The following CERS5 variants were observed in gnomAD, a reference collection of about 807,000 sequenced individuals.
CERS5 encodes the protein ceramide synthase 5, also known as LAG1 homolog, ceramide synthase 5.
A neutral mutation model predicts 58.9 loss-of-function variants in CERS5; 37 were observed. The ratio of observed to expected loss-of-function variants is 0.63; its 90% CI spans 0.48 to 0.83. CERS5 has a LOEUF of 0.83. CERS5 is among the 40% of genes least tolerant of loss of function. The probability of loss-of-function intolerance (pLI) is 0.00; values close to 1 mark genes in which losing one functional copy is unlikely to be tolerated. For synonymous variants in CERS5, 147 were observed against 177.8 expected (o/e 0.83, Z 1.38); for missense variants, 398 against 489.3 (o/e 0.81, Z 1.76).
At chr12:50,147,344 A>G (rs6580728) in intron 1 of CERS5, 50,558 of 150,326 alleles carry the variant, frequency 0.34, 8,772 homozygotes, top group South Asian at 0.39. Context: ...CGGAAATTAC[A>G]ATGAGCTGAG....
In CERS5 at chr12:50,130,634, A is replaced by C. The variant is rs755192596; in HGVS notation, c.1090T>G (p.Cys364Gly). The change falls in exon 10 of 10, where the codon TGC becomes GGC. Residue 364 changes from cysteine (C) to glycine (G), a missense_variant. By Grantham distance (159) the Cys-to-Gly change is radical. Transcript: ENST00000317551. The part of the protein sequence containing the change: ...SSSEEEDVTT[C>G]TKSPCDSSSS... ...CTACTGTCACAGGGACTTTTTGTGC[A>C]GGTGGTCACATCTTCTTCCTCTGAG... 54 of 1,612,514 alleles carry C rather than the reference A, an allele frequency of 3.3e-5. No homozygotes were observed. The highest frequency in any genetic ancestry group is 4.2e-5 in the Non-Finnish European group (50 of 1,178,754).
At chr12:50,134,747 G>GCAGA in intron 8 of CERS5, 45 bp from the exon 9 acceptor site, 1 of 1,571,354 alleles carries the variant, frequency 6.4e-7, no homozygotes, top group Non-Finnish European at 8.7e-7. Context: ...TCAAAGCTCA[G>GCAGA]CAGACAGGGA....
intron 1 of CERS5, among the ~76,000 whole-genome samples, chr12:50,158,816 C>T (rs1938946506): frequency 1.3e-5 from 2 of 152,134 alleles, no homozygotes; most frequent in Non-Finnish European, 2.9e-5. Context: ...AAACTAAAAA[C>T]TACAAGGAAT....
intron 1 of CERS5, among the ~76,000 whole-genome samples, chr12:50,162,823 C>T (rs1365443867): frequency 2.0e-5 from 3 of 152,130 alleles, no homozygotes; most frequent in South Asian, 2.1e-4. Context: ...AGGTTGGTCT[C>T]GAACTCCTGA....
chr12:50,143,149 C>T lies in CERS5; in HGVS notation c.359G>A (p.Arg120Gln), dbSNP rs146511812. The T allele has an allele frequency of 2.9e-4, 468 of 1,613,962 alleles. No homozygotes were observed. Among genetic ancestry groups the T allele is most frequent in the Non-Finnish European group, 3.7e-4 (437 of 1,179,996 alleles). Reference sequence around the variant, plus strand: ...ATGGCGAAACCAGCATTGGATTTTTCGGACATTCCAATCCAGCTGCTTTGA... The same window carrying T: ...ATGGCGAAACCAGCATTGGATTTTTTGGACATTCCAATCCAGCTGCTTTGA... ...GLSKQLDWNV[R>Q]KIQCWFRHRR... Residue 120 changes from arginine to glutamine, a missense_variant, in exon 3 of 10, where the codon CGA (arginine) becomes CAA (glutamine). Arg to Gln is a conservative substitution (Grantham distance 43). Around this residue, in one of 3 missense-constraint regions of CERS5, gnomAD observed 328 missense variants for 384.5 expected, o/e 0.85. Coordinates refer to ENST00000317551, the MANE Select transcript of CERS5 (RefSeq NM_147190.5).
At chr12:50,149,575 A>G (rs1348536915) in intron 1 of CERS5, among the ~76,000 whole-genome samples, 1 of 152,208 alleles carries the variant, frequency 6.6e-6, no homozygotes, top group Non-Finnish European at 1.5e-5. Flanking sequence ...CAAAGTCTAG[A>G]TTAAGCTTCT....
chr12:50,164,212 G>A (rs372707434), intron 1 of CERS5, among the ~76,000 whole-genome samples: 15 of 151,646 alleles, frequency 9.9e-5, no homozygotes, highest in African/African-American at 2.4e-4. Context: ...TCCCTGCCTC[G>A]GCCTCCCAAA....
At chr12:50,152,878 T>G (rs931102850) in intron 1 of CERS5, among the ~76,000 whole-genome samples, 1 of 152,100 alleles carries the variant, frequency 6.6e-6, no homozygotes, top group Non-Finnish European at 1.5e-5. Context: ...GAGACCAGCC[T>G]GGCCAACACA....
At chr12:50,163,828 T>C (rs1343148534) in intron 1 of CERS5, among the ~76,000 whole-genome samples, 10 of 151,688 alleles carry the variant, frequency 6.6e-5, no homozygotes, top group Non-Finnish European at 1.5e-4. Flanking sequence ...AATTTTTAAA[T>C]TTTTTTGTAG....
In CERS5 at chr12:50,130,915, G is replaced by A. The variant is rs185546661; in HGVS notation, c.1030-221C>T. ...CTCCAATTCTGTTCTCTGTGGAATT[G>A]AAGCTACTTTGGTAGAGGAGTGTGT... On this transcript the variant is annotated intron_variant, in intron 9 of 9. Transcript: ENST00000317551. Among the ~76,000 whole-genome samples, 256 of 152,334 alleles carry A rather than the reference G, an allele frequency of 1.7e-3. 2 individuals are homozygous for A. The highest frequency in any genetic ancestry group is 1.7e-3 in the Non-Finnish European group (116 of 68,034).
At chr12:50,152,044 T>C (rs1041965704) in intron 1 of CERS5, among the ~76,000 whole-genome samples, 1 of 152,192 alleles carries the variant, frequency 6.6e-6, no homozygotes. Flanking sequence ...ACATGGTGTT[T>C]CCTCAGGGTT....
In CERS5 at chr12:50,130,557, C is replaced by G; in HGVS notation, c.1167G>C (p.Trp389Cys). Residue 389 changes from tryptophan to cysteine, a missense_variant, in exon 10 of 10, where the codon TGG (tryptophan) becomes TGC (cysteine). Physicochemically the swap from Trp to Cys is radical, Grantham distance 215. This residue lies in a region of CERS5 where 47 missense variants were observed against 50.2 expected (regional missense o/e 0.94). Transcript: ENST00000317551. ...TATAGCAACCACCTTACTCTTCAGC[C>G]CAGTAGCTGCCTCCCATGTGACCAT... ...RVNGHMGGSY[W>C]AEE 1 of 1,606,382 alleles carries G rather than the reference C, an allele frequency of 6.2e-7. No homozygotes were observed. The highest frequency in any genetic ancestry group is 1.3e-5 in the African/African-American group (1 of 74,950).
chr12:50,163,251 T>G (rs573528469), intron 1 of CERS5, among the ~76,000 whole-genome samples: 4 of 151,454 alleles, frequency 2.6e-5, no homozygotes, highest in African/African-American at 9.7e-5. Context: ...CAGGCTGGAG[T>G]CCAGTGGCAC....
chr12:50,132,878 G>A lies in CERS5; in HGVS notation c.1029+1668C>T. The A allele has an allele frequency of 3.2e-6, 4 of 1,262,936 alleles. No individual in the cohort carries two copies. The South Asian group carries it at 5.3e-5, about 17-fold the overall frequency. The allele number at this position is 1,262,936 out of a possible 1,614,324, so 78.2% of individuals were successfully genotyped here. ...GGGCATGCTCTGAGACAAACACAAG[G>A]GAACAGAAAGGAGAGCAGGAGGAAA... On this transcript the variant is annotated intron_variant, in intron 9 of 9. Coordinates refer to ENST00000317551, the MANE Select transcript of CERS5 (RefSeq NM_147190.5).
chr12:50,145,674 A>G (rs1952230833), intron 1 of CERS5, among the ~76,000 whole-genome samples: 1 of 152,162 alleles, frequency 6.6e-6, no homozygotes, highest in Non-Finnish European at 1.5e-5. Context: ...GGGGGGGAAA[A>G]AAAAAATAGT....
intron 1 of CERS5, among the ~76,000 whole-genome samples, chr12:50,161,771 C>T (rs1296199870): frequency 1.3e-4 from 7 of 52,178 alleles, no homozygotes; most frequent in African/African-American, 3.9e-4. Context: ...AGTGAGACTC[C>T]GTCTCAAAAA....
chr12:50,160,888 G>T (rs983975731), intron 1 of CERS5, among the ~76,000 whole-genome samples: 5 of 152,138 alleles, frequency 3.3e-5, no homozygotes, highest in African/African-American at 7.2e-5. Context: ...CTGAGTGTGT[G>T]TAAGAGGAAA....
chr12:50,134,130 C>T (rs1951497161), intron 9 of CERS5: 1 of 207,116 alleles, frequency 4.8e-6, no homozygotes, highest in Admixed American at 5.6e-5. Context: ...CCTGTAATTC[C>T]ATCGCTTTGG....
At chr12:50,143,402 T>TC in intron 2 of CERS5, 198 bp from the exon 3 acceptor site, 1 of 507,732 alleles carries the variant, frequency 2.0e-6, no homozygotes. Context: ...CCTATACATA[T>TC]CCTTTTGTCT....
Sources: allele counts gnomAD v4.1 joint callset (sites outside exome capture counted in the v4.1 genomes callset), GRCh38; gene constraint gnomAD v4.1.1; regional missense constraint gnomAD v4.1.1; transcripts MANE v1.5; gene names NCBI Gene and HGNC (gene_info 2026-07-23, HGNC 2026-07-21).